The following SCD5 variants were observed in gnomAD, a reference collection of about 807,000 sequenced individuals.
SCD5 encodes the protein acyl-CoA-desaturase 4.
In SCD5, 20 loss-of-function variants were observed where a neutral mutation model predicts 30.4. The observed-to-expected ratio is 0.66, with a 90% CI of 0.46 to 0.96. SCD5 has a LOEUF of 0.96. Ranked by LOEUF, SCD5 falls within the 40% of genes least tolerant of loss-of-function variation. The pLI is 0.00. For missense variants in SCD5, 381 were observed against 443.3 expected (o/e 0.86, Z 1.26); for synonymous variants, 173 against 176.4 (o/e 0.98, Z 0.16).
chr4:82,794,329 A>G (rs1225700368), intron 1 of SCD5, among the ~76,000 whole-genome samples: 2 of 152,210 alleles, frequency 1.3e-5, no homozygotes, highest in African/African-American at 4.8e-5. Context: ...TTATCTCATG[A>G]GGAAAAGAGT....
rs1553917690 is a variant in SCD5 at position 82,720,441 on chromosome 4, T to TA, written c.233-15029dup. On this transcript the variant is annotated intron_variant, in intron 1 of 4. Coordinates refer to ENST00000319540, the MANE Select transcript of SCD5 (RefSeq NM_001037582.3). ...GATGCTGTCTCAAAAAAGGCAAAAA[T>TA]AAAAAAAAAAAAAAAAAAAAAAGAC... is the stretch of plus-strand genomic sequence containing the variant. Among the ~76,000 whole-genome samples the TA allele has an allele frequency of 4.1e-3, 317 of 77,890 alleles. 4 individuals carry two copies. Among genetic ancestry groups the TA allele is most frequent in the East Asian group, 0.039 (98 of 2,484 alleles). 51.1% of individuals were successfully genotyped at this position (77,890 alleles called of 152,430 possible).
intron 1 of SCD5, among the ~76,000 whole-genome samples, chr4:82,721,542 G>A (rs949115167): frequency 8.5e-5 from 13 of 152,324 alleles, no homozygotes; most frequent in African/African-American, 2.9e-4. Context: ...GAGGTCATGG[G>A]CAGGCAAGGG....
chr4:82,718,088 A>AC (rs1187613987), intron 1 of SCD5, among the ~76,000 whole-genome samples: 6 of 151,138 alleles, frequency 4.0e-5, no homozygotes, highest in African/African-American at 1.5e-4. Context: ...TTTTTAAAAA[A>AC]AAAAAAAGCA....
intron 3 of SCD5, among the ~76,000 whole-genome samples, chr4:82,646,769 A>G (rs1198987193): frequency 2.0e-5 from 3 of 152,244 alleles, no homozygotes; most frequent in African/African-American, 4.8e-5. Context: ...TCACAAAAGC[A>G]TCTTCTTCAG....
At chr4:82,700,085 C>G (rs765737570) in intron 2 of SCD5, among the ~76,000 whole-genome samples, 1 of 151,844 alleles carries the variant, frequency 6.6e-6, no homozygotes, top group Non-Finnish European at 1.5e-5. Flanking sequence ...GGTTTGGTGG[C>G]GCGCACCTGT....
chr4:82,728,468 T>C (rs1470982819), intron 1 of SCD5, among the ~76,000 whole-genome samples: 1 of 152,204 alleles, frequency 6.6e-6, no homozygotes, highest in Non-Finnish European at 1.5e-5. Flanking sequence ...TCAGGAGTCA[T>C]GTGGCCAGAG....
At chr4:82,760,221 A>G (rs1188841049) in intron 1 of SCD5, among the ~76,000 whole-genome samples, 1 of 152,086 alleles carries the variant, frequency 6.6e-6, no homozygotes, top group African/African-American at 2.4e-5. Flanking sequence ...CCCTGTGTTA[A>G]CCTTCACAGT....
At chr4:82,740,808 A>G (rs1720856531) in intron 1 of SCD5, among the ~76,000 whole-genome samples, 1 of 152,176 alleles carries the variant, frequency 6.6e-6, no homozygotes, top group Non-Finnish European at 1.5e-5. Flanking sequence ...TTCTTCCCCT[A>G]ATCCTTTACC....
chr4:82,798,080 T>TGGGGGGGGGGGGGGGGGGGGGG (rs1335450613), intron 1 of SCD5, among the ~76,000 whole-genome samples: 1 of 25,814 alleles, frequency 3.9e-5, no homozygotes, highest in African/African-American at 1.0e-4. Context: ...CGCGGCGGGG[T>TGGGGGGGGGGGGGGGGGGGGGG]GGGGGCGGGG....
intron 3 of SCD5, among the ~76,000 whole-genome samples, chr4:82,651,045 T>A (rs550018293): frequency 6.6e-6 from 1 of 152,320 alleles, no homozygotes; most frequent in African/African-American, 2.4e-5. Flanking sequence ...TCTGGCTTTA[T>A]GAAAGGCAGC....
At chr4:82,664,318 C>T (rs1476792521) in intron 3 of SCD5, among the ~76,000 whole-genome samples, 3 of 152,188 alleles carry the variant, frequency 2.0e-5, no homozygotes, top group Non-Finnish European at 4.4e-5. Context: ...CCCACACATA[C>T]TGAAGGTCTG....
At chr4:82,717,678 G>A (rs1261678546) in intron 1 of SCD5, among the ~76,000 whole-genome samples, 1 of 151,092 alleles carries the variant, frequency 6.6e-6, no homozygotes, top group Non-Finnish European at 1.5e-5. Context: ...CACTTTCGGA[G>A]GCCAAGGCAG....
At chr4:82,734,946 T>C (rs1720717495) in intron 1 of SCD5, among the ~76,000 whole-genome samples, 1 of 151,918 alleles carries the variant, frequency 6.6e-6, no homozygotes, top group Admixed American at 6.6e-5. Context: ...TTGTACTTTT[T>C]TTAGTAGAGA....
At chr4:82,776,889 G>A (rs1007520675) in intron 1 of SCD5, among the ~76,000 whole-genome samples, 91 of 152,334 alleles carry the variant, frequency 6.0e-4, no homozygotes, top group African/African-American at 2.1e-3. Context: ...GACTGACTTT[G>A]CTGCATAGGT....
intron 1 of SCD5, among the ~76,000 whole-genome samples, chr4:82,727,914 G>A (rs1160382761): frequency 1.3e-5 from 2 of 152,038 alleles, no homozygotes; most frequent in Non-Finnish European, 2.9e-5. Context: ...CACCATGTTG[G>A]CCAGGCTGGT....
intron 3 of SCD5, among the ~76,000 whole-genome samples, chr4:82,654,768 A>G (rs1205852542): frequency 6.6e-6 from 1 of 152,174 alleles, no homozygotes; most frequent in Non-Finnish European, 1.5e-5. Flanking sequence ...GATACCTAGG[A>G]GGGAAGGCTG....
intron 1 of SCD5, among the ~76,000 whole-genome samples, chr4:82,747,045 G>A (rs570734567): frequency 9.6e-4 from 138 of 143,454 alleles, no homozygotes; most frequent in South Asian, 2.8e-3. Flanking sequence ...TTGGGGGGCA[G>A]TTAGAGAAAA....
chr4:82,694,947 A>C (rs1246841044), intron 2 of SCD5, among the ~76,000 whole-genome samples: 1 of 152,192 alleles, frequency 6.6e-6, no homozygotes, highest in Non-Finnish European at 1.5e-5. Flanking sequence ...ATCAAACCTA[A>C]GGAGATTGTG....
chr4:82,634,789 C>T (rs1424818229), intron 4 of SCD5, among the ~76,000 whole-genome samples: 1 of 152,204 alleles, frequency 6.6e-6, no homozygotes, highest in African/African-American at 2.4e-5. Flanking sequence ...TGTCTACTCA[C>T]AGAATCAACA....
Sources: allele counts gnomAD v4.1 joint callset (sites outside exome capture counted in the v4.1 genomes callset), GRCh38; gene constraint gnomAD v4.1.1; transcripts MANE v1.5; gene names NCBI Gene and HGNC (gene_info 2026-07-23, HGNC 2026-07-21).